PARD3B: variants seen among roughly 807,000 people sequenced by gnomAD.
The protein encoded by PARD3B is par-3 family cell polarity regulator beta, also known as partitioning defective 3 homolog B.
Under a neutral mutation model 130.2 loss-of-function variants are expected in PARD3B, and 103 were observed. That is an observed-to-expected ratio of 0.79 (90% CI 0.67 to 0.93). PARD3B has a LOEUF of 0.93. Ranked by LOEUF, PARD3B falls within the 40% of genes least tolerant of loss-of-function variation. PARD3B has a pLI of 0.00. For missense variants in PARD3B, 1,609 were observed against 1,499.2 expected (o/e 1.07, Z -1.21); for synonymous variants, 583 against 553.2 (o/e 1.05, Z -0.76).
At chr2:204,898,218 A>T (rs192995727) in intron 2 of PARD3B, among the ~76,000 whole-genome samples, 9 of 151,792 alleles carry the variant, frequency 5.9e-5, no homozygotes, top group African/African-American at 2.2e-4. Flanking sequence ...AGGTATATAT[A>T]TTTATGGGGT....
intron 1 of PARD3B, among the ~76,000 whole-genome samples, chr2:204,564,293 A>C (rs549499963): frequency 6.6e-6 from 1 of 152,168 alleles, no homozygotes; most frequent in Admixed American, 6.5e-5. Flanking sequence ...TTTCCTGGGC[A>C]CTCAGAAGGA....
chr2:204,942,468 A>G (rs1037467555), intron 2 of PARD3B, among the ~76,000 whole-genome samples: 2 of 152,184 alleles, frequency 1.3e-5, no homozygotes, highest in African/African-American at 4.8e-5. Context: ...AGGGACCACA[A>G]GCATTTTTGA....
At chr2:204,996,888 C>G (rs1258729373) in intron 3 of PARD3B, among the ~76,000 whole-genome samples, 1 of 150,322 alleles carries the variant, frequency 6.7e-6, no homozygotes, top group Non-Finnish European at 1.5e-5. Flanking sequence ...AAAGGGAACT[C>G]CCTGACCCCT....
chr2:205,140,029 C>A (rs1057332998), intron 10 of PARD3B, among the ~76,000 whole-genome samples: 1 of 152,194 alleles, frequency 6.6e-6, no homozygotes, highest in Non-Finnish European at 1.5e-5. Context: ...CCAAAGATTG[C>A]GTTGCCTCTG....
In PARD3B at chr2:205,428,861, A is replaced by T. The variant is rs376642344; in HGVS notation, c.2742-11509A>T. Among the ~76,000 whole-genome samples, 5 of 152,252 alleles carry T rather than the reference A, an allele frequency of 3.3e-5. No homozygotes were observed. The East Asian group carries it at 7.7e-4, about 24-fold the overall frequency. On this transcript the variant is annotated intron_variant, in intron 19 of 22. Coordinates refer to ENST00000406610, the MANE Select transcript of PARD3B (RefSeq NM_001302769.2). Reference sequence around the variant, plus strand: ...AAAGGCTGAGAAATAATAATAACCCAGTGGCAGTGAGCACGCCTAGGGCCC... The same window carrying T: ...AAAGGCTGAGAAATAATAATAACCCTGTGGCAGTGAGCACGCCTAGGGCCC...
intron 1 of PARD3B, among the ~76,000 whole-genome samples, chr2:204,549,882 A>G (rs2030314232): frequency 1.3e-5 from 2 of 151,910 alleles, no homozygotes; most frequent in East Asian, 1.9e-4. Context: ...TTTATTACAC[A>G]TTGTTTTTCA....
At chr2:205,213,801 C>T (rs952500582) in intron 15 of PARD3B, among the ~76,000 whole-genome samples, 24 of 151,982 alleles carry the variant, frequency 1.6e-4, no homozygotes, top group African/African-American at 4.6e-4. Flanking sequence ...GAACCAAACA[C>T]AGGAAATAAA....
chr2:205,573,939 G>A (rs1399903808), intron 22 of PARD3B, among the ~76,000 whole-genome samples: 1 of 152,104 alleles, frequency 6.6e-6, no homozygotes, highest in Non-Finnish European at 1.5e-5. Context: ...CCAACAAATT[G>A]ACTTAGATGA....
chr2:204,792,079 C>A (rs1429039503), intron 2 of PARD3B, among the ~76,000 whole-genome samples: 1 of 152,128 alleles, frequency 6.6e-6, no homozygotes, highest in East Asian at 1.9e-4. Flanking sequence ...ACAAAAAGTT[C>A]TCTGGAGCTC....
At position 205,168,316 on chromosome 2, in the gene PARD3B, A is replaced by AGTGTGTGTGT. The variant is rs200083729; in HGVS notation, c.1621-3894_1621-3893insTGTGTGTGTG. Among the ~76,000 whole-genome samples, 69 of 142,820 alleles carry AGTGTGTGTGT rather than the reference A, an allele frequency of 4.8e-4. No homozygotes were observed. The Middle Eastern group carries it at 0.011, about 23-fold the overall frequency. 93.7% of individuals were successfully genotyped at this position (142,820 alleles called of 152,430 possible). The stretch of plus-strand genomic sequence containing the variant: ...GAGAGAGAGAGAGAGAGAGAGAGAG[A>AGTGTGTGTGT]GAGAGTGTGTGTGTGTGAATATTGC... On this transcript the variant is annotated intron_variant, in intron 11 of 22. Transcript: ENST00000406610.
intron 10 of PARD3B, among the ~76,000 whole-genome samples, chr2:205,145,687 T>C (rs924901607): frequency 3.3e-5 from 5 of 152,120 alleles, no homozygotes; most frequent in African/African-American, 1.2e-4. Flanking sequence ...TTTAAGTGTA[T>C]GCTAGGGAAA....
chr2:204,937,719 C>T (rs1688575840), intron 2 of PARD3B, among the ~76,000 whole-genome samples: 1 of 152,156 alleles, frequency 6.6e-6, no homozygotes, highest in Admixed American at 6.5e-5. Context: ...TGGCTCCTCT[C>T]TTGATGTTAG....
intron 15 of PARD3B, among the ~76,000 whole-genome samples, chr2:205,240,993 C>T (rs888519719): frequency 2.6e-5 from 4 of 152,006 alleles, no homozygotes; most frequent in Non-Finnish European, 5.9e-5. Flanking sequence ...GATTTTTTCC[C>T]CTGTATTTTC....
chr2:205,550,051 G>C lies in PARD3B; in HGVS notation c.3181-3273G>C, dbSNP rs1055936505. Among the ~76,000 whole-genome samples, 6 of 152,238 alleles carry C rather than the reference G, an allele frequency of 3.9e-5. No homozygotes were observed. The highest frequency in any genetic ancestry group is 3.9e-4 in the East Asian group (2 of 5,178). Reference sequence around the variant, plus strand: ...AGTAGTATTCTTTTCTTCATACCTTGTTTCTACCTTTGCAAAATCTTCAAA... The same window carrying C: ...AGTAGTATTCTTTTCTTCATACCTTCTTTCTACCTTTGCAAAATCTTCAAA... On this transcript the variant is annotated intron_variant, in intron 21 of 22. Coordinates refer to ENST00000406610, the MANE Select transcript of PARD3B (RefSeq NM_001302769.2). The surrounding 1 kb of genome is among the most constrained non-coding windows in gnomAD (Gnocchi z 4.5).
chr2:204,843,570 A>C (rs7571592), intron 2 of PARD3B, among the ~76,000 whole-genome samples: 2,462 of 152,026 alleles, frequency 0.016, 86 homozygotes, highest in African/African-American at 0.056. Context: ...TTGTATTTTC[A>C]TTAGGGACGA....
intron 2 of PARD3B, among the ~76,000 whole-genome samples, chr2:204,721,696 G>T (rs1173233203): frequency 1.3e-5 from 2 of 152,022 alleles, no homozygotes; most frequent in Non-Finnish European, 2.9e-5. Flanking sequence ...GATAAAAATG[G>T]CAAAGGTATT....
chr2:204,755,347 A>T (rs962126818), intron 2 of PARD3B, among the ~76,000 whole-genome samples: 1 of 152,090 alleles, frequency 6.6e-6, no homozygotes. Flanking sequence ...TATGAAATTG[A>T]TGATTCTTTT....
chr2:205,451,394 A>G (rs1347645852), intron 20 of PARD3B, among the ~76,000 whole-genome samples: 1 of 152,226 alleles, frequency 6.6e-6, no homozygotes, highest in South Asian at 2.1e-4. Flanking sequence ...ACTTTCCAGT[A>G]AACAAAGTCA....
Position 205,165,490 on chromosome 2 carries a change from T to C in PARD3B, c.1620+6583T>C, listed in dbSNP as rs1197262187. 2.0e-5 allele frequency among the ~76,000 whole-genome samples: 3 copies of C among 147,216 alleles called. No individual in the cohort carries two copies. In the East Asian group the frequency reaches 5.8e-4, roughly 28 times the overall value. On this transcript the variant is annotated intron_variant, in intron 11 of 22. Coordinates refer to ENST00000406610, the MANE Select transcript of PARD3B (RefSeq NM_001302769.2). ...ATTATTTCAGAATGGTTTATGCATA[T>C]GTTAACTCCTATAGTCAGGCTTATT...
Sources: allele counts gnomAD v4.1 joint callset (sites outside exome capture counted in the v4.1 genomes callset), GRCh38; gene constraint gnomAD v4.1.1; non-coding constraint Gnocchi (gnomAD v3.1); transcripts MANE v1.5; gene names NCBI Gene and HGNC (gene_info 2026-07-23, HGNC 2026-07-21).